CMPK1: variants seen among roughly 807,000 people sequenced by gnomAD.
CMPK1 encodes cytidine/uridine monophosphate kinase 1.
Under a neutral mutation model 25.7 loss-of-function variants are expected in CMPK1, and 10 were observed. That is an observed-to-expected ratio of 0.39 (90% CI 0.24 to 0.66). CMPK1 has a LOEUF of 0.66. Ranked by LOEUF, CMPK1 falls within the 30% of genes least tolerant of loss-of-function variation. The probability of loss-of-function intolerance (pLI) is 0.48; values close to 1 mark genes in which losing one functional copy is unlikely to be tolerated. For missense variants in CMPK1, 199 were observed against 280.5 expected (o/e 0.71, Z 2.08); for synonymous variants, 106 against 101.5 (o/e 1.04, Z -0.27).
intron 1 of CMPK1, among the ~76,000 whole-genome samples, chr1:47,336,600 C>G (rs920941835): frequency 1.3e-5 from 2 of 152,074 alleles, no homozygotes; most frequent in African/African-American, 4.8e-5. Context: ...TTGGCCCACT[C>G]CAACCTCTGC....
rs766282014 is a variant in CMPK1 at position 47,374,932 on chromosome 1, G to A, written c.495G>A (p.Glu165=). The change falls in exon 4 of 6, where the codon GAG becomes GAA. Residue 165 remains glutamate (E), a synonymous_variant. Coordinates refer to ENST00000371873, the MANE Select transcript of CMPK1 (RefSeq NM_016308.3). ...AGATTTGTATTGAACGATGTCTTGA[G>A]AGGGGAAAGAGTAGTGGTAGGAGTG... ...NNEICIERCL[E]RGKSSGRSDD... 1.9e-6 allele frequency: 3 copies of A among 1,612,842 alleles called. No homozygotes were observed. Among genetic ancestry groups the A allele is most frequent in the Admixed American group, 1.7e-5 (1 of 59,984 alleles).
At chr1:47,334,523 C>G (rs1646381788) in intron 1 of CMPK1, among the ~76,000 whole-genome samples, 2 of 152,208 alleles carry the variant, frequency 1.3e-5, no homozygotes, top group African/African-American at 4.8e-5. Flanking sequence ...GCCGTGTGCG[C>G]CCACAGTTGT....
intron 1 of CMPK1, among the ~76,000 whole-genome samples, chr1:47,360,187 C>T (rs1228919743): frequency 6.6e-6 from 1 of 152,164 alleles, no homozygotes; most frequent in African/African-American, 2.4e-5. Context: ...CTCCTGGACT[C>T]CCTGAAGGTG....
Position 47,362,404 on chromosome 1 carries a change from G to T in CMPK1, c.172-6065G>T, listed in dbSNP as rs545117733. On this transcript the variant is annotated intron_variant, in intron 1 of 5. Coordinates refer to ENST00000371873, the MANE Select transcript of CMPK1 (RefSeq NM_016308.3). Reference sequence around the variant, plus strand: ...GCTGGTCTTGAACTCCTGACCTCAGGTGATCCGCCCGACTTGGCCTCCCAG... The same window carrying T: ...GCTGGTCTTGAACTCCTGACCTCAGTTGATCCGCCCGACTTGGCCTCCCAG... 2.7e-3 allele frequency among the ~76,000 whole-genome samples: 412 copies of T among 151,866 alleles called. 2 individuals carry two copies. The highest frequency in any genetic ancestry group is 9.5e-3 in the African/African-American group (394 of 41,390).
In CMPK1 at chr1:47,376,814, T is replaced by G; in HGVS notation, c.*69T>G. ...TTTGATAGCTGCTATCATGACCCCT[T>G]TTTAAGGCAATTCTAATCTTTCATA... On this transcript the variant is annotated 3_prime_UTR_variant, in exon 6 of 6. Transcript: ENST00000371873. 1.2e-6 allele frequency: 1 copy of G among 849,976 alleles called. No individual in the cohort carries two copies. Among genetic ancestry groups the G allele is most frequent in the Non-Finnish European group, 1.9e-6 (1 of 517,550 alleles). 52.7% of individuals were successfully genotyped at this position (849,976 alleles called of 1,614,324 possible).
intron 1 of CMPK1, among the ~76,000 whole-genome samples, chr1:47,335,654 A>G (rs1334741558): frequency 6.6e-6 from 1 of 151,404 alleles, no homozygotes; most frequent in African/African-American, 2.4e-5. Context: ...AAAAAAAAAA[A>G]AAAATCATTT....
At chr1:47,348,409 T>C (rs756653694) in intron 1 of CMPK1, among the ~76,000 whole-genome samples, 2 of 147,326 alleles carry the variant, frequency 1.4e-5, no homozygotes, top group Non-Finnish European at 2.9e-5. Flanking sequence ...AGACTAAACA[T>C]GTGATAAGAG....
At chr1:47,339,404 GAA>G (rs1231827927) in intron 1 of CMPK1, among the ~76,000 whole-genome samples, 1 of 152,092 alleles carries the variant, frequency 6.6e-6, no homozygotes, top group African/African-American at 2.4e-5. Flanking sequence ...ACTGCACTTA[GAA>G]AAAGTTTTGG....
intron 1 of CMPK1, 104 bp from the exon 2 acceptor site, chr1:47,368,365 T>G: frequency 2.2e-6 from 2 of 926,146 alleles, no homozygotes; most frequent in South Asian, 3.0e-5. Flanking sequence ...ACTTCTTTAT[T>G]GTAGAAAAAT....
At chr1:47,376,402 G>A (rs1646708061) in intron 5 of CMPK1, among the ~76,000 whole-genome samples, 1 of 151,922 alleles carries the variant, frequency 6.6e-6, no homozygotes, top group African/African-American at 2.4e-5. Context: ...TGCAACCTCC[G>A]TCTCCTGGGT....
At chr1:47,338,579 C>T (rs946868000) in intron 1 of CMPK1, among the ~76,000 whole-genome samples, 2 of 98,294 alleles carry the variant, frequency 2.0e-5, no homozygotes, top group African/African-American at 7.2e-5. Context: ...CTCTCTCCTT[C>T]CCTCCCTCCC....
intron 1 of CMPK1, among the ~76,000 whole-genome samples, chr1:47,335,726 A>C (rs115389907): frequency 0.024 from 3,582 of 151,736 alleles, 145 homozygotes; most frequent in African/African-American, 0.081. Context: ...CCTCTTAAAA[A>C]AATTTTTTTT....
intron 1 of CMPK1, chr1:47,358,278 A>T: frequency 1.9e-6 from 1 of 513,712 alleles, no homozygotes; most frequent in Non-Finnish European, 3.6e-6. Context: ...ATGACAGGCT[A>T]ATTTTTCCAT....
intron 1 of CMPK1, among the ~76,000 whole-genome samples, chr1:47,362,148 G>T (rs1008787325): frequency 6.8e-6 from 1 of 147,936 alleles, no homozygotes; most frequent in Non-Finnish European, 1.5e-5. Flanking sequence ...GGGATTATAG[G>T]CGTGAGCCAC....
At chr1:47,359,653 T>C (rs1646588643) in intron 1 of CMPK1, among the ~76,000 whole-genome samples, 1 of 151,536 alleles carries the variant, frequency 6.6e-6, no homozygotes, top group African/African-American at 2.4e-5. Context: ...CCTCCCAAAG[T>C]GCTGGGATTA....
At chr1:47,372,796 C>T (rs11211525) in intron 2 of CMPK1, among the ~76,000 whole-genome samples, 159 bp from the exon 3 acceptor site, 8,080 of 118,428 alleles carry the variant, frequency 0.068, 688 homozygotes, top group African/African-American at 0.24. Flanking sequence ...TTTTTTCTTT[C>T]TTTCTTTTTT....
At position 47,339,701 on chromosome 1, in the gene CMPK1, CT is replaced by C. The variant is rs71053104; in HGVS notation, c.171+5609del. ...TGATTTCTTTTTCTTTCTTCCTTTC[CT>C]TTTTTTTTTTTTTTTTTTTTTTTAA... On this transcript the variant is annotated intron_variant, in intron 1 of 5. Transcript: ENST00000371873. 7.3e-3 allele frequency among the ~76,000 whole-genome samples: 798 copies of C among 109,842 alleles called. 2 individuals are homozygous for C. The highest frequency in any genetic ancestry group is 0.037 in the Middle Eastern group (6 of 162). 72.1% of individuals were successfully genotyped at this position (109,842 alleles called of 152,430 possible).
chr1:47,345,318 G>GT (rs568692316), intron 1 of CMPK1, among the ~76,000 whole-genome samples: 101 of 146,774 alleles, frequency 6.9e-4, no homozygotes, highest in Non-Finnish European at 8.4e-4. Context: ...TAGTGTCTCA[G>GT]TTTTTTTTTT....
At chr1:47,362,516 G>A (rs1270936995) in intron 1 of CMPK1, among the ~76,000 whole-genome samples, 3 of 150,294 alleles carry the variant, frequency 2.0e-5, no homozygotes, top group Non-Finnish European at 3.0e-5. Flanking sequence ...GCAGTGGCAC[G>A]ATCTCGGCTC....
Sources: gnomAD v4.1 joint callset for allele counts (sites outside exome capture counted in the v4.1 genomes callset) on GRCh38, gnomAD v4.1.1 for gene constraint, MANE v1.5 for transcripts, NCBI Gene and HGNC (gene_info 2026-07-23, HGNC 2026-07-21) for gene names.